The following RPS6KC1 variants were observed in gnomAD, a reference collection of about 807,000 sequenced individuals.
The protein encoded by RPS6KC1 is ribosomal protein S6 kinase C1, also known as inactive ribosomal protein S6 kinase delta-1.
Under a neutral mutation model 103.8 loss-of-function variants are expected in RPS6KC1, and 54 were observed. That is an observed-to-expected ratio of 0.52 (90% CI 0.42 to 0.65). RPS6KC1 has a LOEUF of 0.65. Among genes scored for constraint, RPS6KC1 ranks in the 30% least tolerant of loss-of-function variants. The pLI, the probability that RPS6KC1 is intolerant of heterozygous loss-of-function variation, is 0.00. For synonymous variants in RPS6KC1, 439 were observed against 438.7 expected (o/e 1.00, Z -0.01); for missense variants, 1,151 against 1,253.8 (o/e 0.92, Z 1.24).
At chr1:213,233,888 TAAAG>T (rs2094160259) in intron 10 of RPS6KC1, among the ~76,000 whole-genome samples, 1 of 152,162 alleles carries the variant, frequency 6.6e-6, no homozygotes, top group Non-Finnish European at 1.5e-5. Flanking sequence ...TTTTATAATA[TAAAG>T]ATAGTAAATT....
intron 6 of RPS6KC1, among the ~76,000 whole-genome samples, chr1:213,148,423 C>T (rs968049107): frequency 3.9e-5 from 6 of 152,130 alleles, no homozygotes; most frequent in Admixed American, 6.5e-5. Flanking sequence ...TTTCAGCATC[C>T]GTTGAAATAA....
the RPS6KC1 span, among the ~76,000 whole-genome samples, chr1:213,327,324 T>TA: frequency 0.97 from 147,843 of 151,682 alleles, 72,155 homozygotes; most frequent in East Asian, 1. Context: ...CTTAATCCGT[T>TA]AAAAAAAAGC....
At chr1:213,084,142 C>T (rs1021458768) in intron 3 of RPS6KC1, among the ~76,000 whole-genome samples, 1 of 152,112 alleles carries the variant, frequency 6.6e-6, no homozygotes, top group Admixed American at 6.6e-5. Flanking sequence ...TTCCCTCTCT[C>T]CCTTTCCCTC....
chr1:213,476,973 C>G, the RPS6KC1 span, among the ~76,000 whole-genome samples: 1 of 152,184 alleles, frequency 6.6e-6, no homozygotes, highest in African/African-American at 2.4e-5. Context: ...TCTTATTCTT[C>G]CTCAGGAAAG....
chr1:213,554,148 A>G, the RPS6KC1 span, among the ~76,000 whole-genome samples: 2 of 152,084 alleles, frequency 1.3e-5, no homozygotes, highest in African/African-American at 4.8e-5. Context: ...TAGGGTTTTT[A>G]TAGTTTTAGG....
chr1:213,108,581 T>A lies in RPS6KC1; in HGVS notation c.378+4012T>A, dbSNP rs183389734. On this transcript the variant is annotated intron_variant, in intron 4 of 14. Transcript: ENST00000366960. ...TGAGTTCTTTGAACTTCCATAAAAA[T>A]TTTTAGTGGCAGCTTATCCATGTGA... Among the ~76,000 whole-genome samples, 582 of 152,098 alleles carry A rather than the reference T, an allele frequency of 3.8e-3. 4 individuals are homozygous for A. The highest frequency in any genetic ancestry group is 0.014 in the African/African-American group (565 of 41,488).
At chr1:213,157,701 T>G (rs1353661646) in intron 6 of RPS6KC1, among the ~76,000 whole-genome samples, 1 of 152,158 alleles carries the variant, frequency 6.6e-6, no homozygotes, top group Non-Finnish European at 1.5e-5. Flanking sequence ...GAATTCAGGT[T>G]GGTTGATAAT....
At position 213,189,012 on chromosome 1, in the gene RPS6KC1, C is replaced by T. The variant is rs749730763; in HGVS notation, c.1044+12520C>T. On this transcript the variant is annotated intron_variant, in intron 8 of 14. Coordinates refer to ENST00000366960, the MANE Select transcript of RPS6KC1 (RefSeq NM_012424.6). ...TGTGGTGCTGGTATAGAGACACACA[C>T]ATAGAGAACAGCATACAAAATGTAG... 4.7e-4 allele frequency among the ~76,000 whole-genome samples: 72 copies of T among 152,186 alleles called. 1 individual carries two copies. The highest frequency in any genetic ancestry group is 5.3e-4 in the Non-Finnish European group (36 of 67,996).
intron 14 of RPS6KC1, among the ~76,000 whole-genome samples, chr1:213,266,857 C>T (rs1318155509): frequency 4.0e-5 from 6 of 151,682 alleles, no homozygotes; most frequent in African/African-American, 7.2e-5. Flanking sequence ...GAGCCGAGAT[C>T]GCGCCACTGC....
chr1:213,327,969 C>A, the RPS6KC1 span, among the ~76,000 whole-genome samples: 20 of 152,262 alleles, frequency 1.3e-4, no homozygotes, highest in Middle Eastern at 0.01. Context: ...CCTGTTCACC[C>A]CATCTGATTC....
chr1:213,561,699 G>A, the RPS6KC1 span, among the ~76,000 whole-genome samples: 3 of 152,078 alleles, frequency 2.0e-5, no homozygotes, highest in African/African-American at 7.2e-5. Context: ...AGCATTTTTG[G>A]TATTTGGGTC....
the RPS6KC1 span, among the ~76,000 whole-genome samples, chr1:213,538,180 G>A: frequency 2.6e-5 from 4 of 152,132 alleles, no homozygotes; most frequent in Admixed American, 1.3e-4. Context: ...CAGGTTTGGT[G>A]GGCCAATAAA....
At chr1:213,645,101 C>A in the RPS6KC1 span, among the ~76,000 whole-genome samples, 1 of 152,126 alleles carries the variant, frequency 6.6e-6, no homozygotes, top group Non-Finnish European at 1.5e-5. Context: ...CTCATCCTAG[C>A]AACTGCCTTT....
At chr1:213,130,727 A>G (rs2085507839) in intron 6 of RPS6KC1, among the ~76,000 whole-genome samples, 1 of 152,106 alleles carries the variant, frequency 6.6e-6, no homozygotes, top group Admixed American at 6.6e-5. Context: ...AGTTTTATAA[A>G]ATGGTGTACC....
the RPS6KC1 span, among the ~76,000 whole-genome samples, chr1:213,664,192 C>CGGGGGG: frequency 0.017 from 517 of 29,594 alleles, 7 homozygotes; most frequent in African/African-American, 0.05. Context: ...AAGAAATGAG[C>CGGGGGG]GGGGGGGCGG....
At chr1:213,746,024 TACTG>T in the RPS6KC1 span, among the ~76,000 whole-genome samples, 1 of 152,194 alleles carries the variant, frequency 6.6e-6, no homozygotes, top group Admixed American at 6.5e-5. Context: ...ATTTAACAAA[TACTG>T]AGCGCCTACT....
chr1:213,488,887 T>C, the RPS6KC1 span, among the ~76,000 whole-genome samples: 1 of 152,238 alleles, frequency 6.6e-6, no homozygotes, highest in Admixed American at 6.5e-5. Flanking sequence ...AATACTGACA[T>C]ACTCTAGAAA....
chr1:213,129,576 T>C lies in RPS6KC1; in HGVS notation c.522T>C (p.Ser174=), dbSNP rs966314060. Residue 174 remains serine, a synonymous_variant, in exon 6 of 15, where the codon TCT becomes TCC. Coordinates refer to ENST00000366960, the MANE Select transcript of RPS6KC1 (RefSeq NM_012424.6). ...TATCTCTTACTGTTGATGTGGATTC[T>C]CTTGCTGAGTTAGATGATGGAATGG... ...DLVSLTVDVD[S]LAELDDGMAS... is the part of the protein sequence containing the mutation. The C allele has an allele frequency of 3.1e-6, 5 of 1,613,712 alleles. No homozygotes were observed. Among genetic ancestry groups the C allele is most frequent in the African/African-American group, 2.7e-5 (2 of 74,934 alleles).
At chr1:213,691,742 G>T in the RPS6KC1 span, among the ~76,000 whole-genome samples, 2 of 152,132 alleles carry the variant, frequency 1.3e-5, no homozygotes, top group Admixed American at 6.5e-5. Context: ...ATGTTAATCT[G>T]GGAGGTGGCT....
Sources: allele counts gnomAD v4.1 joint callset (sites outside exome capture counted in the v4.1 genomes callset), GRCh38; gene constraint gnomAD v4.1.1; transcripts MANE v1.5; gene names NCBI Gene and HGNC (gene_info 2026-07-23, HGNC 2026-07-21).